The following COBLL1 variants were observed in gnomAD, a reference collection of about 807,000 sequenced individuals.
The protein encoded by COBLL1 is cordon-bleu protein-like 1.
A neutral mutation model predicts 94.8 loss-of-function variants in COBLL1; 50 were observed. The ratio of observed to expected loss-of-function variants is 0.53; its 90% CI spans 0.42 to 0.67. COBLL1 has a LOEUF of 0.67. Among genes scored for constraint, COBLL1 ranks in the 30% least tolerant of loss-of-function variants. The pLI, the probability that COBLL1 is intolerant of heterozygous loss-of-function variation, is 0.00. For synonymous variants in COBLL1, 448 were observed against 473.8 expected (o/e 0.95, Z 0.71); for missense variants, 1,362 against 1,348.7 (o/e 1.01, Z -0.15).
At chr2:164,827,778 C>T (rs915294200) in intron 2 of COBLL1, among the ~76,000 whole-genome samples, 9 of 152,160 alleles carry the variant, frequency 5.9e-5, no homozygotes, top group Non-Finnish European at 1.2e-4. Flanking sequence ...TAGCACTCTG[C>T]TGTAATTATT....
At chr2:164,716,131 G>A (rs1398755359) in intron 7 of COBLL1, among the ~76,000 whole-genome samples, 1 of 151,990 alleles carries the variant, frequency 6.6e-6, no homozygotes, top group Non-Finnish European at 1.5e-5. Context: ...ATAAACTCTT[G>A]GTCAGCAGAT....
rs889758721 is a variant in COBLL1 at position 164,681,748 on chromosome 2, C to G, written c.*4198G>C. 1 of 151,952 alleles carries G rather than the reference C, an allele frequency of 6.6e-6. No homozygotes were observed. The highest frequency in any genetic ancestry group is 1.5e-5 in the Non-Finnish European group (1 of 67,970). The allele number at this position is 151,952 out of a possible 1,614,324, so 9.4% of individuals were successfully genotyped here. On this transcript the variant is annotated 3_prime_UTR_variant, in exon 14 of 14. Transcript: ENST00000652658. Reference sequence around the variant, plus strand: ...GCAACTGTAGCATTTTTTTTCTTCTCCAAGAAAAGTAATTAGCAAGACTTA... The same window carrying G: ...GCAACTGTAGCATTTTTTTTCTTCTGCAAGAAAAGTAATTAGCAAGACTTA...
Position 164,680,738 on chromosome 2 carries a change from T to G in COBLL1, c.*5208A>C, listed in dbSNP as rs1370580185. On this transcript the variant is annotated 3_prime_UTR_variant, in exon 14 of 14. Coordinates refer to ENST00000652658, the MANE Select transcript of COBLL1 (RefSeq NM_001365672.2). ...ATATAAGTATATCCCAAATATTGTA[T>G]GGGATATGCTTATACTAAAAAAAAA... The G allele has an allele frequency of 1.3e-5, 2 of 152,142 alleles. No homozygotes were observed. The highest frequency in any genetic ancestry group is 2.9e-5 in the Non-Finnish European group (2 of 68,018). 9.4% of individuals were successfully genotyped at this position (152,142 alleles called of 1,614,324 possible).
chr2:164,760,471 A>C (rs549044367), intron 2 of COBLL1, among the ~76,000 whole-genome samples: 1 of 152,218 alleles, frequency 6.6e-6, no homozygotes, highest in Admixed American at 6.5e-5. Context: ...AGAATGGTGC[A>C]GTTACATAAA....
rs1363326691 is a variant in COBLL1 at position 164,680,776 on chromosome 2, C to T, written c.*5170G>A. ...TACTAAAAAAAAATTTGTTGTTTAT[C>T]CGAAGTTCAAATTTAACTGGGCATT... On this transcript the variant is annotated 3_prime_UTR_variant, in exon 14 of 14. Transcript: ENST00000652658. The T allele has an allele frequency of 6.6e-6, 1 of 151,950 alleles. No homozygotes were observed. The highest frequency in any genetic ancestry group is 1.5e-5 in the Non-Finnish European group (1 of 67,978). The allele number at this position is 151,950 out of a possible 1,614,324, so 9.4% of individuals were successfully genotyped here. A position where few individuals can be genotyped will look rare whatever the true frequency, so the allele number is the denominator to read the frequency against.
At chr2:164,785,912 C>T (rs1688932639) in intron 2 of COBLL1, among the ~76,000 whole-genome samples, 1 of 111,080 alleles carries the variant, frequency 9.0e-6, no homozygotes, top group Non-Finnish European at 1.8e-5. Context: ...TCCTCCGCAA[C>T]AAAAGGTAGA....
intron 2 of COBLL1, among the ~76,000 whole-genome samples, chr2:164,748,724 C>T (rs141090788): frequency 3.0e-4 from 45 of 152,058 alleles, no homozygotes; most frequent in Non-Finnish European, 5.6e-4. Context: ...GCAAATTTCA[C>T]ATAAGGGTAG....
intron 2 of COBLL1, among the ~76,000 whole-genome samples, chr2:164,777,304 A>G (rs1270039093): frequency 1.3e-5 from 2 of 151,316 alleles, no homozygotes; most frequent in Non-Finnish European, 2.9e-5. Context: ...TATGCCAGGA[A>G]GAACAAAAAT....
chr2:164,677,870 C>T (rs975280064), downstream of COBLL1, among the ~76,000 whole-genome samples: 16 of 152,152 alleles, frequency 1.1e-4, no homozygotes, highest in African/African-American at 3.9e-4. Context: ...AGTGTTTGTA[C>T]TAATTGATAC....
At chr2:164,805,007 A>G (rs1307321561) in intron 2 of COBLL1, among the ~76,000 whole-genome samples, 1 of 152,026 alleles carries the variant, frequency 6.6e-6, no homozygotes, top group Non-Finnish European at 1.5e-5. Flanking sequence ...GTCATTTTAT[A>G]TGTCTCCTTT....
rs528309862 is a variant in COBLL1, at chr2:164,684,777, T to C, written c.*1169A>G. ...AAAGCACCCCAAATATACAACTTGC[T>C]TTTATTAAATTGAAAAAAAAATCCC... On this transcript the variant is annotated 3_prime_UTR_variant, in exon 14 of 14. Transcript: ENST00000652658. 6.6e-6 allele frequency: 1 copy of C among 152,244 alleles called. No homozygotes were observed. Among genetic ancestry groups the C allele is most frequent in the East Asian group, 1.9e-4 (1 of 5,188 alleles). 9.4% of individuals were successfully genotyped at this position (152,244 alleles called of 1,614,324 possible).
intron 7 of COBLL1, among the ~76,000 whole-genome samples, chr2:164,721,550 T>A (rs1450101334): frequency 6.6e-6 from 1 of 152,178 alleles, no homozygotes; most frequent in African/African-American, 2.4e-5. Flanking sequence ...CTGTGATATA[T>A]TCTATATAAA....
intron 2 of COBLL1, among the ~76,000 whole-genome samples, chr2:164,797,941 A>G (rs1203101920): frequency 6.6e-6 from 1 of 152,250 alleles, no homozygotes; most frequent in Admixed American, 6.5e-5. Flanking sequence ...ACATCATTAC[A>G]CTAAGCCAGA....
At chr2:164,693,859 T>C (rs972562378) in intron 12 of COBLL1, among the ~76,000 whole-genome samples, 1 of 152,178 alleles carries the variant, frequency 6.6e-6, no homozygotes. Context: ...CTCATACTAT[T>C]ATTTTTCCAT....
At chr2:164,766,904 G>A (rs954873555) in intron 2 of COBLL1, among the ~76,000 whole-genome samples, 1 of 152,196 alleles carries the variant, frequency 6.6e-6, no homozygotes, top group Non-Finnish European at 1.5e-5. Context: ...AATTATCCAA[G>A]AAATATTTTG....
At chr2:164,777,489 T>C (rs1688523956) in intron 2 of COBLL1, among the ~76,000 whole-genome samples, 1 of 152,160 alleles carries the variant, frequency 6.6e-6, no homozygotes, top group South Asian at 2.1e-4. Flanking sequence ...TATATGCACC[T>C]ATGCACCTGA....
At chr2:164,839,769 C>T (rs923154579) in intron 2 of COBLL1, among the ~76,000 whole-genome samples, 5 of 152,142 alleles carry the variant, frequency 3.3e-5, no homozygotes, top group African/African-American at 9.7e-5. Flanking sequence ...TGCTTGTATG[C>T]TCAATATCTT....
chr2:164,841,698 C>CA lies in COBLL1; in HGVS notation c.-51+11dup. On this transcript the variant is annotated intron_variant, in intron 1 of 13. Transcript: ENST00000652658. The surrounding 1 kb of genome is among the most constrained non-coding windows in gnomAD (Gnocchi z 5.5). ...GAGGGCTGATCTCTCTTTTCCCACC[C>CA]AAGGCTCCTACGTTCTTTTCCAAAG... The CA allele has an allele frequency of 2.2e-6, 1 of 456,948 alleles. No individual in the cohort carries two copies. Among genetic ancestry groups the CA allele is most frequent in the Non-Finnish European group, 3.8e-6 (1 of 259,812 alleles). The allele number at this position is 456,948 out of a possible 1,614,324, so 28.3% of individuals were successfully genotyped here.
chr2:164,706,138 C>A (rs1259971775), intron 7 of COBLL1, among the ~76,000 whole-genome samples: 2 of 152,160 alleles, frequency 1.3e-5, no homozygotes, highest in African/African-American at 4.8e-5. Context: ...GCCTTTGATC[C>A]ATTAAAAGGA....
Sources: gnomAD v4.1 joint callset for allele counts (sites outside exome capture counted in the v4.1 genomes callset) on GRCh38, gnomAD v4.1.1 for gene constraint, Gnocchi (gnomAD v3.1) non-coding constraint, MANE v1.5 for transcripts, NCBI Gene and HGNC (gene_info 2026-07-23, HGNC 2026-07-21) for gene names.